Variants in PDE4D observed in about 807,000 individuals in gnomAD.
PDE4D encodes the protein phosphodiesterase 4D, also known as 3',5'-cyclic-AMP phosphodiesterase 4D.
In PDE4D, 24 loss-of-function variants were observed where a neutral mutation model predicts 87.4. That is an observed-to-expected ratio of 0.27 (90% confidence interval 0.20 to 0.39). The LOEUF is 0.39. PDE4D is among the 10% of genes least tolerant of loss of function. The pLI, the probability that PDE4D is intolerant of heterozygous loss-of-function variation, is 1.00. For synonymous variants in PDE4D, 384 were observed against 383.2 expected, an observed-to-expected ratio of 1.00 and a Z score of -0.02; for missense variants, 714 against 1,041.0, an observed-to-expected ratio of 0.69 and a Z score of 4.32.
intron 5 of PDE4D, among the ~76,000 whole-genome samples, chr5:59,057,156 A>G (rs1031100706): frequency 2.0e-5 from 3 of 152,036 alleles, no homozygotes; most frequent in African/African-American, 7.2e-5. Context: ...TGCCTCCCCC[A>G]TTTTTTTCTG....
rs2153290870 is a variant in PDE4D, at chr5:58,971,006, G to C, written c.*3658C>G. 1 of 152,158 alleles carries C rather than the reference G, an allele frequency of 6.6e-6. No homozygotes were observed. Among genetic ancestry groups the C allele is most frequent in the South Asian group, 2.1e-4 (1 of 4,820 alleles). 9.4% of individuals were successfully genotyped at this position (152,158 alleles called of 1,614,324 possible). The stretch of plus-strand genomic sequence containing the variant: ...CATCACACATGCAGTGCTGCTCCCT[G>C]GCAAGAAGTACTTAAGAGCTTCTGT... On this transcript the variant is annotated 3_prime_UTR_variant, in exon 15 of 15. Transcript: ENST00000340635.
At chr5:60,487,836 A>G (rs2150230360) in intron 1 of PDE4D, 1 of 152,438 alleles carries the variant, frequency 6.6e-6, no homozygotes, top group Middle Eastern at 3.4e-3. Context: ...ATAGCACCTT[A>G]AAAACGAATC....
intron 1 of PDE4D, among the ~76,000 whole-genome samples, chr5:60,453,805 T>C (rs1377925339): frequency 6.6e-6 from 1 of 152,160 alleles, no homozygotes; most frequent in Admixed American, 6.6e-5. Context: ...TAGTTCTTAC[T>C]GGCAATTTCT....
chr5:60,106,461 T>A (rs996174211), intron 2 of PDE4D, among the ~76,000 whole-genome samples: 2 of 151,630 alleles, frequency 1.3e-5, no homozygotes, highest in African/African-American at 2.4e-5. Flanking sequence ...AGACAGAAAG[T>A]TAACAAGGAT....
intron 2 of PDE4D, among the ~76,000 whole-genome samples, chr5:60,123,299 T>G (rs1435616101): frequency 6.6e-6 from 1 of 152,168 alleles, no homozygotes; most frequent in Non-Finnish European, 1.5e-5. Flanking sequence ...ACTGTATTAG[T>G]CCATTTTCAC....
intron 2 of PDE4D, among the ~76,000 whole-genome samples, chr5:60,124,897 T>C (rs2149386059): frequency 6.6e-6 from 1 of 152,300 alleles, no homozygotes; most frequent in Non-Finnish European, 1.5e-5. Flanking sequence ...CTCACTTAAG[T>C]AATCAGCAGC....
intron 1 of PDE4D, among the ~76,000 whole-genome samples, chr5:60,228,695 G>A (rs553737067): frequency 2.0e-5 from 3 of 151,916 alleles, no homozygotes; most frequent in Non-Finnish European, 4.4e-5. Flanking sequence ...CTGAGCTGCT[G>A]TGTAAGAAGC....
chr5:60,087,723 TA>T (rs1298244657), intron 2 of PDE4D, among the ~76,000 whole-genome samples: 1 of 151,624 alleles, frequency 6.6e-6, no homozygotes, highest in Non-Finnish European at 1.5e-5. Flanking sequence ...AAAAAGAATT[TA>T]AAAAAAGAGT....
At chr5:59,569,238 G>C (rs888776729) in intron 1 of PDE4D, among the ~76,000 whole-genome samples, 2 of 151,922 alleles carry the variant, frequency 1.3e-5, no homozygotes, top group East Asian at 1.9e-4. Flanking sequence ...CATAAATCAC[G>C]CTATATTATC....
intron 1 of PDE4D, among the ~76,000 whole-genome samples, chr5:59,227,967 C>T (rs1017275166): frequency 6.6e-6 from 1 of 152,058 alleles, no homozygotes; most frequent in Non-Finnish European, 1.5e-5. Context: ...TTAATTACAG[C>T]CCTATTCACA....
chr5:60,505,339 T>C (rs16878180), intron 1 of PDE4D, among the ~76,000 whole-genome samples: 1,888 of 152,308 alleles, frequency 0.012, 47 homozygotes, highest in African/African-American at 0.041. Context: ...AGTCCCATTT[T>C]CACCATATCT....
chr5:59,425,536 T>C (rs547411699), intron 1 of PDE4D, among the ~76,000 whole-genome samples: 1 of 152,282 alleles, frequency 6.6e-6, no homozygotes, highest in African/African-American at 2.4e-5. Flanking sequence ...ATTGCGTCAG[T>C]TGAAAATCAC....
chr5:59,503,238 T>A (rs1273899711), intron 1 of PDE4D, among the ~76,000 whole-genome samples: 1 of 152,174 alleles, frequency 6.6e-6, no homozygotes, highest in Non-Finnish European at 1.5e-5. Flanking sequence ...CCATCATCTA[T>A]AACTACTTCT....
chr5:60,071,804 G>T (rs1175103944), intron 2 of PDE4D, among the ~76,000 whole-genome samples: 1 of 152,094 alleles, frequency 6.6e-6, no homozygotes, highest in Non-Finnish European at 1.5e-5. Context: ...GTTTGCTAAA[G>T]ATAACAGCCT....
intron 1 of PDE4D, among the ~76,000 whole-genome samples, chr5:59,716,411 C>G (rs1755035622): frequency 3.3e-5 from 5 of 152,190 alleles, no homozygotes; most frequent in Admixed American, 3.3e-4. Context: ...CCCCTTGGAC[C>G]TCAGTTAGAA....
At chr5:59,539,626 G>A (rs1457012166) in intron 1 of PDE4D, among the ~76,000 whole-genome samples, 1 of 152,096 alleles carries the variant, frequency 6.6e-6, no homozygotes, top group East Asian at 1.9e-4. Context: ...TGTCTAGAGA[G>A]AATATTAGAG....
intron 1 of PDE4D, among the ~76,000 whole-genome samples, chr5:59,654,268 G>A (rs549390324): frequency 6.6e-6 from 1 of 152,162 alleles, no homozygotes; most frequent in Non-Finnish European, 1.5e-5. Flanking sequence ...GGAGAGGGAA[G>A]AATAAAATAA....
At chr5:59,471,344 A>G (rs1197345085) in intron 1 of PDE4D, among the ~76,000 whole-genome samples, 1 of 152,264 alleles carries the variant, frequency 6.6e-6, no homozygotes, top group African/African-American at 2.4e-5. Context: ...CTGTCTTGAC[A>G]TAGCATTCAT....
At chr5:59,681,574 T>C (rs541533007) in intron 1 of PDE4D, among the ~76,000 whole-genome samples, 1 of 152,226 alleles carries the variant, frequency 6.6e-6, no homozygotes, top group South Asian at 2.1e-4. Context: ...TGGATTACTT[T>C]ATCTGTTATC....
Sources: gnomAD v4.1 joint callset for allele counts (sites outside exome capture counted in the v4.1 genomes callset) on GRCh38, gnomAD v4.1.1 for gene constraint, MANE v1.5 for transcripts, NCBI Gene and HGNC (gene_info 2026-07-23, HGNC 2026-07-21) for gene names.